The following ZNF718 variants were observed in gnomAD, a reference collection of about 807,000 sequenced individuals.
ZNF718 encodes zinc finger protein 718.
Under a neutral mutation model 2.6 loss-of-function variants are expected in ZNF718, and 3 were observed. The ratio of observed to expected loss-of-function variants is 1.16; its 90% CI spans 0.53 to 3.01. The LOEUF is 3.01. ZNF718 is among the 30% of genes most tolerant of loss of function. ZNF718 has a pLI of 0.03. For missense variants in ZNF718, 468 were observed against 230.0 expected (o/e 2.03, Z -6.69); for synonymous variants, 135 against 77.9 (o/e 1.73, Z -3.86).
intron 3 of ZNF718, among the ~76,000 whole-genome samples, chr4:153,189 A>G (rs1407683847): frequency 7.2e-6 from 1 of 138,420 alleles, no homozygotes; most frequent in Non-Finnish European, 1.6e-5. Flanking sequence ...CTCTTTCTCC[A>G]ATGTGTGTTC....
At chr4:133,215 T>A (rs1437293224) in intron 3 of ZNF718, among the ~76,000 whole-genome samples, 1 of 27,264 alleles carries the variant, frequency 3.7e-5, no homozygotes, top group African/African-American at 1.4e-4. Flanking sequence ...TATATATATA[T>A]ATATATATAT....
Position 129,690 on chromosome 4 carries a change from A to C in ZNF718, c.4-1098A>C, listed in dbSNP as rs1269448270. 3.8e-5 allele frequency among the ~76,000 whole-genome samples: 4 copies of C among 103,944 alleles called. 1 individual carries two copies. In the Admixed American group the frequency reaches 4.2e-4, roughly 11 times the overall value. 68.2% of individuals were successfully genotyped at this position (103,944 alleles called of 152,430 possible). On this transcript the variant is annotated intron_variant, in intron 1 of 3. Coordinates refer to ENST00000510175, the MANE Select transcript of ZNF718 (RefSeq NM_001039127.6). ...AAGTCTCATAATAACTACAAACACAAAAATAAAAAATTCCTCTGAATTGCA... is the reference window on the plus strand; with the variant it reads ...AAGTCTCATAATAACTACAAACACACAAATAAAAAATTCCTCTGAATTGCA...
In ZNF718 at chr4:193,929, A is replaced by G. The variant is rs571619238; in HGVS notation, c.227-7152A>G. On this transcript the variant is annotated intron_variant and NMD_transcript_variant, in intron 3 of 4. Transcript: ENST00000642529. ...GGGGTGGATTATTTCTATTCAGACA[A>G]TCTTTTTTAAAGTGTCCTTGTAGAC... Among the ~76,000 whole-genome samples, 7 of 152,244 alleles carry G rather than the reference A, an allele frequency of 4.6e-5. No homozygotes were observed. In the East Asian group the frequency reaches 9.7e-4, roughly 21 times the overall value.
At chr4:168,589 C>G (rs1717146793), downstream of ZNF718, among the ~76,000 whole-genome samples, 2 of 151,978 alleles carry the variant, frequency 1.3e-5, no homozygotes, top group Non-Finnish European at 2.9e-5. Flanking sequence ...GGGAGGGTGT[C>G]TGTGTTGAGG....
chr4:170,117 G>T (rs1190375778), intron 3 of ZNF718, among the ~76,000 whole-genome samples: 2 of 152,120 alleles, frequency 1.3e-5, no homozygotes, highest in African/African-American at 4.8e-5. Flanking sequence ...AGCTTAGTTT[G>T]GCTGGATATG....
chr4:165,107 A>G (rs151059489), downstream of ZNF718, among the ~76,000 whole-genome samples: 98 of 152,196 alleles, frequency 6.4e-4, no homozygotes, highest in African/African-American at 2.3e-3. Flanking sequence ...AGCTGTGTGT[A>G]CCTCACAGCC....
At chr4:157,188 C>T (rs1366701538) in intron 3 of ZNF718, among the ~76,000 whole-genome samples, 2 of 142,886 alleles carry the variant, frequency 1.4e-5, no homozygotes, top group Non-Finnish European at 3.0e-5. Flanking sequence ...TCTCAGTTCA[C>T]TGCAACCTCT....
intron 3 of ZNF718, among the ~76,000 whole-genome samples, chr4:154,033 C>T (rs1306195579): frequency 6.6e-6 from 1 of 152,084 alleles, no homozygotes; most frequent in Admixed American, 6.5e-5. Context: ...GTCATGGGGG[C>T]AGTTTCCCCC....
chr4:145,321 C>G (rs1581438561), intron 3 of ZNF718, among the ~76,000 whole-genome samples: 1 of 152,094 alleles, frequency 6.6e-6, no homozygotes, highest in East Asian at 1.9e-4. Context: ...GCTTTCTTCC[C>G]TTGCGTTTTC....
intron 3 of ZNF718, among the ~76,000 whole-genome samples, chr4:171,160 G>A (rs925206709): frequency 4.6e-5 from 7 of 152,116 alleles, no homozygotes; most frequent in Middle Eastern, 3.2e-3. Context: ...GCAGAACAGC[G>A]GATATTGGTG....
chr4:148,128 A>G (rs1716149128), intron 3 of ZNF718, among the ~76,000 whole-genome samples: 1 of 152,174 alleles, frequency 6.6e-6, no homozygotes, highest in African/African-American at 2.4e-5. Context: ...CTGGGCGGGC[A>G]GGACTGCTCC....
At chr4:169,508 C>T (rs554085836) in intron 3 of ZNF718, among the ~76,000 whole-genome samples, 2 of 152,016 alleles carry the variant, frequency 1.3e-5, no homozygotes, top group South Asian at 2.1e-4. Flanking sequence ...AGGTCTCTAA[C>T]GACTTGCTTT....
intron 3 of ZNF718, among the ~76,000 whole-genome samples, chr4:190,511 G>A (rs1193200605): frequency 6.8e-6 from 1 of 147,936 alleles, no homozygotes; most frequent in Admixed American, 6.6e-5. Context: ...GAAACAAGAA[G>A]CTATAAGGTG....
intron 3 of ZNF718, among the ~76,000 whole-genome samples, chr4:159,202 A>AT (rs1428186345): frequency 6.6e-6 from 1 of 151,474 alleles, no homozygotes; most frequent in South Asian, 2.1e-4. Context: ...CACCTGGCTA[A>AT]TTTTTTTGTA....
chr4:165,445 A>G (rs1473483143), downstream of ZNF718, among the ~76,000 whole-genome samples: 1 of 152,200 alleles, frequency 6.6e-6, no homozygotes, highest in African/African-American at 2.4e-5. Flanking sequence ...TGCATATTGT[A>G]AGCATCATAT....
intron 3 of ZNF718, among the ~76,000 whole-genome samples, chr4:198,336 A>G (rs1284049900): frequency 1.3e-5 from 2 of 152,216 alleles, no homozygotes; most frequent in African/African-American, 2.4e-5. Flanking sequence ...GGAGGCATGA[A>G]GCCCTGTGAT....
At chr4:158,699 G>T (rs1309710854) in intron 3 of ZNF718, among the ~76,000 whole-genome samples, 23 of 151,816 alleles carry the variant, frequency 1.5e-4, no homozygotes, top group Admixed American at 1.2e-3. Flanking sequence ...AACAGTTTAT[G>T]ATTAAGGGGT....
At chr4:170,280 AT>A (rs1181548771) in intron 3 of ZNF718, among the ~76,000 whole-genome samples, 2 of 151,852 alleles carry the variant, frequency 1.3e-5, no homozygotes, top group Non-Finnish European at 2.9e-5. Flanking sequence ...TGCCCTTAAC[AT>A]TTTTTCCTTC....
intron 3 of ZNF718, among the ~76,000 whole-genome samples, chr4:142,238 A>G (rs1177903839): frequency 1.3e-5 from 2 of 152,222 alleles, no homozygotes; most frequent in African/African-American, 4.8e-5. Context: ...TAAAACTTCT[A>G]TCATAAAACT....
Sources: allele counts gnomAD v4.1 joint callset (sites outside exome capture counted in the v4.1 genomes callset), GRCh38; gene constraint gnomAD v4.1.1; transcripts MANE v1.5; gene names NCBI Gene and HGNC (gene_info 2026-07-23, HGNC 2026-07-21).